The following MDM1 variants were observed in gnomAD, a reference collection of about 807,000 sequenced individuals.
MDM1 encodes the protein stabilizer of axonemal microtubules 6.
MDM1 carries 61 observed loss-of-function variants against 89.1 expected under a neutral mutation model. That is an observed-to-expected ratio of 0.68 (90% CI 0.56 to 0.85). MDM1 has a LOEUF of 0.85. Among genes scored for constraint, MDM1 ranks in the 40% least tolerant of loss-of-function variants. The pLI, the probability that MDM1 is intolerant of heterozygous loss-of-function variation, is 0.00. For synonymous variants in MDM1, 290 were observed against 294.1 expected (o/e 0.99, Z 0.14); for missense variants, 820 against 846.5 (o/e 0.97, Z 0.39).
At chr12:68,308,605 C>A (rs1873248253) in intron 12 of MDM1, among the ~76,000 whole-genome samples, 1 of 152,200 alleles carries the variant, frequency 6.6e-6, no homozygotes, top group Admixed American at 6.5e-5. Context: ...ACAGCGCTTA[C>A]TACTATGTGA....
chr12:68,298,270 T>A (rs1458048069), intron 13 of MDM1, among the ~76,000 whole-genome samples: 1 of 152,016 alleles, frequency 6.6e-6, no homozygotes. Context: ...TTCACAACTA[T>A]CATAACCAAC....
At chr12:68,327,897 G>T (rs1876245178) in intron 2 of MDM1, among the ~76,000 whole-genome samples, 1 of 152,142 alleles carries the variant, frequency 6.6e-6, no homozygotes, top group Non-Finnish European at 1.5e-5. Context: ...GTTTTAGGAG[G>T]GTAAACAGAA....
Position 68,326,828 on chromosome 12 carries a change from T to C in MDM1, c.327A>G (p.Ser109=), listed in dbSNP as rs1420729681. 6.2e-7 allele frequency: 1 copy of C among 1,613,846 alleles called. No homozygotes were observed. Among genetic ancestry groups the C allele is most frequent in the Non-Finnish European group, 8.5e-7 (1 of 1,179,888 alleles). The change falls in exon 3 of 15, where the codon TCA becomes TCG. Residue 109 remains serine, a synonymous_variant. Coordinates refer to ENST00000682720, the MANE Select transcript of MDM1 (RefSeq NM_001354969.2). ...TTTTGGGAACCCTGGAAGCTTCTAG[T>C]GAGTGAACTCTTTCTTGAGTAACAT... is the stretch of plus-strand genomic sequence containing the variant. ...QKDVTQERVH[S]LEASRVPKRT... is the part of the protein sequence containing the mutation.
chr12:68,326,139 C>A (rs1366314412), intron 3 of MDM1: 1 of 1,020,800 alleles, frequency 9.8e-7, no homozygotes, highest in Non-Finnish European at 1.2e-6. Flanking sequence ...CCTGCAGCCT[C>A]TGCTTATGTG....
At chr12:68,316,378 G>A (rs1874508089) in intron 8 of MDM1, 125 bp from the exon 9 acceptor site, 1 of 1,072,644 alleles carries the variant, frequency 9.3e-7, no homozygotes, top group East Asian at 2.6e-5. Flanking sequence ...GGCAAAATTA[G>A]CCACATACAG....
At chr12:68,330,850 G>C (rs1409549055) in intron 2 of MDM1, 1 of 454,562 alleles carries the variant, frequency 2.2e-6, no homozygotes, top group East Asian at 3.6e-5. Flanking sequence ...CGCTCAGTCA[G>C]TACCGAAACA....
In MDM1 at chr12:68,332,240, C is replaced by G; in HGVS notation, c.6G>C (p.Pro2=). 4 of 1,582,670 alleles carry G rather than the reference C, an allele frequency of 2.5e-6. No individual in the cohort carries two copies. The highest frequency in any genetic ancestry group is 3.4e-6 in the Non-Finnish European group (4 of 1,165,380). Residue 2 remains proline, a synonymous_variant, in exon 1 of 15, where the codon CCG becomes CCC. Transcript: ENST00000682720. ...ACCCCAGCCTCACCTTGAAGCGCAC[C>G]GGCATGTCGCCCGGCGCCGGAGCCC... M[P]VRFKGLSEYQ...
intron 12 of MDM1, among the ~76,000 whole-genome samples, chr12:68,309,367 A>T (rs1181877354): frequency 1.3e-5 from 2 of 152,180 alleles, no homozygotes; most frequent in African/African-American, 4.8e-5. Flanking sequence ...ATTGACTTCC[A>T]AGAAGGTTTC....
chr12:68,328,024 G>A (rs948689982), intron 2 of MDM1, among the ~76,000 whole-genome samples: 4 of 152,084 alleles, frequency 2.6e-5, no homozygotes, highest in Admixed American at 2.0e-4. Flanking sequence ...ATTTCCCACC[G>A]CCCCTTTCAT....
intron 5 of MDM1, among the ~76,000 whole-genome samples, chr12:68,322,809 T>C (rs751579908): frequency 7.2e-5 from 11 of 152,210 alleles, no homozygotes; most frequent in Non-Finnish European, 1.3e-4. Context: ...TCCTGTATTG[T>C]TAAGTACTCA....
At chr12:68,321,702 G>C (rs1396948770) in intron 5 of MDM1, 74 bp from the exon 6 acceptor site, 20 of 879,804 alleles carry the variant, frequency 2.3e-5, no homozygotes, top group Non-Finnish European at 3.5e-6. Context: ...ATGTTATAAA[G>C]TTAGACTTGA....
At chr12:68,327,812 T>C (rs2121169051) in intron 2 of MDM1, among the ~76,000 whole-genome samples, 1 of 152,296 alleles carries the variant, frequency 6.6e-6, no homozygotes, top group Non-Finnish European at 1.5e-5. Context: ...CCCCGGGTCC[T>C]TATCCTTTTA....
intron 4 of MDM1, chr12:68,323,508 G>C (rs1016228968): frequency 4.5e-6 from 1 of 221,078 alleles, no homozygotes; most frequent in African/African-American, 2.3e-5. Context: ...ATAGACATTA[G>C]CTTTAAGGCA....
intron 4 of MDM1, 72 bp from the exon 5 acceptor site, chr12:68,323,312 C>T: frequency 1.8e-6 from 2 of 1,119,492 alleles, no homozygotes; most frequent in Non-Finnish European, 1.3e-6. Flanking sequence ...AATTACTTAA[C>T]AAAACATAAA....
At chr12:68,296,022 C>T (rs1308818548) in intron 14 of MDM1, among the ~76,000 whole-genome samples, 2 of 152,102 alleles carry the variant, frequency 1.3e-5, no homozygotes, top group African/African-American at 4.8e-5. Context: ...AAGTCCTAAA[C>T]CTGCTAAACG....
intron 12 of MDM1, among the ~76,000 whole-genome samples, chr12:68,303,960 G>A (rs1339528823): frequency 6.6e-6 from 1 of 152,196 alleles, no homozygotes; most frequent in Non-Finnish European, 1.5e-5. Context: ...GCAGCTAGCT[G>A]GACACACTGG....
intron 12 of MDM1, among the ~76,000 whole-genome samples, chr12:68,309,859 C>A (rs934830950): frequency 6.6e-6 from 1 of 152,204 alleles, no homozygotes. Flanking sequence ...TGGGAAATAA[C>A]CAAATCTAGC....
At chr12:68,318,385 G>A (rs1383983947) in intron 7 of MDM1, among the ~76,000 whole-genome samples, 2 of 152,072 alleles carry the variant, frequency 1.3e-5, no homozygotes, top group East Asian at 3.9e-4. Flanking sequence ...TTTATTTGAC[G>A]TCAATTTTAT....
intron 12 of MDM1, among the ~76,000 whole-genome samples, chr12:68,306,246 C>T (rs991715985): frequency 3.6e-4 from 54 of 151,282 alleles, no homozygotes; most frequent in African/African-American, 1.3e-3. Flanking sequence ...CCCTATCTCT[C>T]ACTATATACA....
Sources: allele counts gnomAD v4.1 joint callset (sites outside exome capture counted in the v4.1 genomes callset), GRCh38; gene constraint gnomAD v4.1.1; transcripts MANE v1.5; gene names NCBI Gene and HGNC (gene_info 2026-07-23, HGNC 2026-07-21).